PLEK: variants seen among roughly 807,000 people sequenced by gnomAD.
PLEK encodes pleckstrin, also known as platelet 47 kDa protein.
In PLEK, 25 loss-of-function variants were observed where a neutral mutation model predicts 43.9. The observed-to-expected ratio is 0.57, with a 90% CI of 0.41 to 0.79. The LOEUF is 0.79. Among genes scored for constraint, PLEK ranks in the 30% least tolerant of loss-of-function variants. The pLI is 0.00. For synonymous variants in PLEK, 152 were observed against 144.4 expected, an observed-to-expected ratio of 1.05 and a Z score of -0.38; for missense variants, 396 against 413.3, an observed-to-expected ratio of 0.96 and a Z score of 0.36.
intron 6 of PLEK, among the ~76,000 whole-genome samples, chr2:68,391,215 A>G (rs552067447): frequency 1.3e-5 from 2 of 150,976 alleles, no homozygotes; most frequent in South Asian, 4.1e-4. Context: ...CAACTCTTCA[A>G]CACGTCACAT....
chr2:68,367,088 A>C (rs944997807), intron 1 of PLEK, among the ~76,000 whole-genome samples: 1 of 152,206 alleles, frequency 6.6e-6, no homozygotes, highest in African/African-American at 2.4e-5. Flanking sequence ...AGATTGTAAA[A>C]GCCAATCTAG....
At chr2:68,368,496 A>C (rs979419960) in intron 1 of PLEK, among the ~76,000 whole-genome samples, 4 of 152,240 alleles carry the variant, frequency 2.6e-5, no homozygotes, top group Non-Finnish European at 4.4e-5. Flanking sequence ...CCCAGGCAGC[A>C]TTCTGAAAGG....
intron 5 of PLEK, among the ~76,000 whole-genome samples, chr2:68,387,613 A>G (rs1673773336): frequency 6.6e-6 from 1 of 152,192 alleles, no homozygotes; most frequent in South Asian, 2.1e-4. Flanking sequence ...TTCTTAGGCC[A>G]TGTGAGCAAT....
At chr2:68,377,167 C>A (rs1673522335) in intron 1 of PLEK, among the ~76,000 whole-genome samples, 1 of 152,168 alleles carries the variant, frequency 6.6e-6, no homozygotes, top group African/African-American at 2.4e-5. Flanking sequence ...ATCCACTCAT[C>A]TGTTGAGGGA....
chr2:68,365,674 A>G lies in PLEK; in HGVS notation c.42+281A>G, dbSNP rs562064854. On this transcript the variant is annotated intron_variant, in intron 1 of 8. Transcript: ENST00000234313. Reference sequence around the variant, plus strand: ...TAAGCTAACTCCCTCCAGATTTAGAATATCCTTTTTAAGAGGCACACAGAT... The same window carrying G: ...TAAGCTAACTCCCTCCAGATTTAGAGTATCCTTTTTAAGAGGCACACAGAT... 3.3e-4 allele frequency: 120 copies of G among 360,832 alleles called. 1 individual carries two copies. Among genetic ancestry groups the G allele is most frequent in the Middle Eastern group, 2.6e-3 (3 of 1,176 alleles). The allele number at this position is 360,832 out of a possible 1,614,324, so 22.4% of individuals were successfully genotyped here.
At position 68,388,441 on chromosome 2, in the gene PLEK, A is replaced by C; in HGVS notation, c.712A>C (p.Lys238Gln). 6.2e-7 allele frequency: 1 copy of C among 1,612,032 alleles called. No homozygotes were observed. Among genetic ancestry groups the C allele is most frequent in the Non-Finnish European group, 8.5e-7 (1 of 1,178,078 alleles). ...ENSSDDDVIL[K>Q]EEFRGVIIKQ... The stretch of plus-strand genomic sequence containing the variant: ...TTCCAGTGATGATGATGTGATTCTG[A>C]AAGAAGAATTCAGAGGGGTCATTAT... Residue 238 changes from lysine (K) to glutamine (Q), a missense_variant, in exon 6 of 9, where the codon AAA (lysine) becomes CAA (glutamine). Physicochemically the swap from Lys to Gln is moderately conservative, Grantham distance 53 (BLOSUM62 1). Transcript: ENST00000234313.
chr2:68,367,867 C>T (rs1280389063), intron 1 of PLEK, among the ~76,000 whole-genome samples: 2 of 152,186 alleles, frequency 1.3e-5, no homozygotes, highest in African/African-American at 4.8e-5. Context: ...GAATCTTCCT[C>T]CATTCACCTT....
intron 1 of PLEK, among the ~76,000 whole-genome samples, chr2:68,369,414 A>G (rs1296307067): frequency 6.6e-6 from 1 of 151,864 alleles, no homozygotes; most frequent in Non-Finnish European, 1.5e-5. Flanking sequence ...CACTGTCACC[A>G]TGATGAGGGG....
intron 4 of PLEK, among the ~76,000 whole-genome samples, chr2:68,384,858 G>A (rs1673704913): frequency 6.6e-6 from 1 of 152,192 alleles, no homozygotes; most frequent in African/African-American, 2.4e-5. Context: ...AATGAGGACT[G>A]CAATTACCAC....
Position 68,396,217 on chromosome 2 carries a change from G to A in PLEK, c.*401G>A, listed in dbSNP as rs1673961551. The stretch of plus-strand genomic sequence containing the variant: ...TGATAGTGTATCTAGTTGTTCTGCT[G>A]GTGTCCTTCCTTGGCTAAGTCTTGG... On this transcript the variant is annotated 3_prime_UTR_variant, in exon 9 of 9. Coordinates refer to ENST00000234313, the MANE Select transcript of PLEK (RefSeq NM_002664.3). 1 of 170,490 alleles carries A rather than the reference G, an allele frequency of 5.9e-6. No homozygotes were observed. Among genetic ancestry groups the A allele is most frequent in the Non-Finnish European group, 1.3e-5 (1 of 78,000 alleles). 10.6% of individuals were successfully genotyped at this position (170,490 alleles called of 1,614,324 possible).
intron 4 of PLEK, among the ~76,000 whole-genome samples, chr2:68,385,642 C>G (rs1322126998): frequency 5.9e-5 from 9 of 151,870 alleles, no homozygotes; most frequent in Non-Finnish European, 1.2e-4. Context: ...CTGAGTGCAT[C>G]TGTTCACACT....
chr2:68,383,479 G>C (rs1227514780), intron 4 of PLEK, among the ~76,000 whole-genome samples: 1 of 150,962 alleles, frequency 6.6e-6, no homozygotes, highest in Non-Finnish European at 1.5e-5. Flanking sequence ...CCAGGGCAGA[G>C]GATGAGCAGA....
chr2:68,368,495 C>T (rs762816583), intron 1 of PLEK, among the ~76,000 whole-genome samples: 2 of 152,236 alleles, frequency 1.3e-5, no homozygotes, highest in Non-Finnish European at 2.9e-5. Context: ...TCCCAGGCAG[C>T]ATTCTGAAAG....
rs76089495 is a variant in PLEK at position 68,382,683 on chromosome 2, A to G, written c.472+50A>G. ...TAGGGCGACTGGGAAGGCGATATGG[A>G]GTCCTCCTTCGGCCTCGTCTGTGAG... On this transcript the variant is annotated intron_variant, in intron 4 of 8. Transcript: ENST00000234313. 3.7e-3 allele frequency: 3,921 copies of G among 1,058,626 alleles called. 90 individuals are homozygous for G. In the African/African-American group the frequency reaches 0.054, roughly 14 times the overall value. 65.6% of individuals were successfully genotyped at this position (1,058,626 alleles called of 1,614,324 possible). A position where few individuals can be genotyped will look rare whatever the true frequency, so the allele number is the denominator to read the frequency against.
chr2:68,392,075 G>T (rs1178565939), intron 6 of PLEK, among the ~76,000 whole-genome samples: 1 of 151,620 alleles, frequency 6.6e-6, no homozygotes, highest in African/African-American at 2.4e-5. Context: ...GTTTAATTCT[G>T]TTGGGAAAGG....
At chr2:68,390,383 T>A (rs563742012) in intron 6 of PLEK, among the ~76,000 whole-genome samples, 1 of 152,378 alleles carries the variant, frequency 6.6e-6, no homozygotes, top group African/African-American at 2.4e-5. Context: ...GCCAGCCTTT[T>A]TCTTAAAAGC....
At chr2:68,378,917 C>A (rs1673557633) in intron 1 of PLEK, among the ~76,000 whole-genome samples, 1 of 152,092 alleles carries the variant, frequency 6.6e-6, no homozygotes, top group African/African-American at 2.4e-5. Context: ...AACACGAGAT[C>A]AGGAGTTCAA....
At chr2:68,386,388 G>A (rs1032892360) in intron 4 of PLEK, 114 bp from the exon 5 acceptor site, 2 of 671,542 alleles carry the variant, frequency 3.0e-6, no homozygotes, top group African/African-American at 3.6e-5. Context: ...TGAAATAACA[G>A]GGGAGACGAG....
chr2:68,380,077 G>A (rs530413194), intron 1 of PLEK, among the ~76,000 whole-genome samples: 15 of 152,330 alleles, frequency 9.8e-5, no homozygotes, highest in Middle Eastern at 3.4e-3. Flanking sequence ...AGGTGAGAAA[G>A]AGGAGAGGGC....
Sources: gnomAD v4.1 joint callset for allele counts (sites outside exome capture counted in the v4.1 genomes callset) on GRCh38, gnomAD v4.1.1 for gene constraint, MANE v1.5 for transcripts, NCBI Gene and HGNC (gene_info 2026-07-23, HGNC 2026-07-21) for gene names.